Variants in CNIH4 observed in about 807,000 individuals in gnomAD.
CNIH4 encodes protein cornichon homolog 4.
A neutral mutation model predicts 21.5 loss-of-function variants in CNIH4; 9 were observed. The ratio of observed to expected loss-of-function variants is 0.42; its 90% CI spans 0.25 to 0.73. CNIH4 has a LOEUF of 0.73. CNIH4 is among the 30% of genes least tolerant of loss of function. The pLI, the probability that CNIH4 is intolerant of heterozygous loss-of-function variation, is 0.27. For missense variants in CNIH4, 159 were observed against 170.0 expected, an observed-to-expected ratio of 0.94 and a Z score of 0.36; for synonymous variants, 67 against 59.1, an observed-to-expected ratio of 1.13 and a Z score of -0.61.
intron 1 of CNIH4, among the ~76,000 whole-genome samples, chr1:224,358,308 C>G (rs570591414): frequency 6.6e-6 from 1 of 152,318 alleles, no homozygotes; most frequent in East Asian, 1.9e-4. Flanking sequence ...GCTCTGCCTT[C>G]GTGTCCCCAC....
chr1:224,361,281 A>AT lies in CNIH4; in HGVS notation c.138+726dup, dbSNP rs1458222582. 1.1e-4 allele frequency among the ~76,000 whole-genome samples: 17 copies of AT among 151,448 alleles called. No homozygotes were observed. In the East Asian group the frequency reaches 2.9e-3, roughly 26 times the overall value. ...CAGGCACTGCCACCACACCTGGCTA[A>AT]TTTTTTTTGTATTTTTCATAGAGAT... is the stretch of plus-strand genomic sequence containing the variant. On this transcript the variant is annotated intron_variant, in intron 2 of 4. Coordinates refer to ENST00000465271, the MANE Select transcript of CNIH4 (RefSeq NM_014184.4).
chr1:224,374,327 CTA>C (rs1488534531), intron 4 of CNIH4, among the ~76,000 whole-genome samples: 1 of 151,996 alleles, frequency 6.6e-6, no homozygotes, highest in Non-Finnish European at 1.5e-5. Context: ...ATGGGGGAAT[CTA>C]TGCTTTTGGT....
chr1:224,359,669 C>G (rs891716317), intron 1 of CNIH4, among the ~76,000 whole-genome samples: 1 of 152,110 alleles, frequency 6.6e-6, no homozygotes, highest in Admixed American at 6.6e-5. Flanking sequence ...CTCCTGGGTT[C>G]AAGCGATTCT....
At chr1:224,367,836 C>A (rs1260461432) in intron 3 of CNIH4, among the ~76,000 whole-genome samples, 1 of 152,200 alleles carries the variant, frequency 6.6e-6, no homozygotes, top group Non-Finnish European at 1.5e-5. Flanking sequence ...ACAGCTAAGT[C>A]TACCTGTAGT....
At chr1:224,359,717 C>T (rs1672219591) in intron 1 of CNIH4, among the ~76,000 whole-genome samples, 1 of 152,050 alleles carries the variant, frequency 6.6e-6, no homozygotes, top group East Asian at 2.0e-4. Context: ...ACTACAAGTG[C>T]CTACCAAATC....
chr1:224,359,631 C>T (rs1459175545), intron 1 of CNIH4, among the ~76,000 whole-genome samples: 2 of 152,160 alleles, frequency 1.3e-5, no homozygotes, highest in East Asian at 1.9e-4. Context: ...AGTGCAGTGG[C>T]GCAATCTTGG....
At position 224,365,862 on chromosome 1, in the gene CNIH4, G is replaced by C. The variant is rs771383497; in HGVS notation, c.139-17G>C. 5 of 1,391,334 alleles carry C rather than the reference G, an allele frequency of 3.6e-6. No individual in the cohort carries two copies. Among genetic ancestry groups the C allele is most frequent in the Non-Finnish European group, 5.1e-6 (5 of 976,948 alleles). 86.2% of individuals were successfully genotyped at this position (1,391,334 alleles called of 1,614,324 possible). A position where few individuals can be genotyped will look rare whatever the true frequency, so the allele number is the denominator to read the frequency against. On this transcript the variant is annotated splice_polypyrimidine_tract_variant and intron_variant, in intron 2 of 4. Coordinates refer to ENST00000465271, the MANE Select transcript of CNIH4 (RefSeq NM_014184.4). ...GGACATAGCAGTGAGATGTAATACT[G>C]TGTTCTTCCATTGCAGTGGGTAATT...
chr1:224,367,821 T>C (rs1672510584), intron 3 of CNIH4, among the ~76,000 whole-genome samples: 1 of 152,238 alleles, frequency 6.6e-6, no homozygotes, highest in Non-Finnish European at 1.5e-5. Context: ...AGACAGACTT[T>C]TAGCACAGCT....
chr1:224,364,400 A>G (rs1271444404), intron 2 of CNIH4: 3 of 981,478 alleles, frequency 3.1e-6, no homozygotes, highest in Admixed American at 6.2e-5. Flanking sequence ...TTGAGTGCCT[A>G]CTTTGCATGT....
intron 3 of CNIH4, among the ~76,000 whole-genome samples, chr1:224,368,987 T>C (rs577177385): frequency 6.6e-6 from 1 of 151,802 alleles, no homozygotes. Flanking sequence ...AGTATACAGC[T>C]GTAGAGTTCC....
chr1:224,357,994 TG>T lies in CNIH4; in HGVS notation c.69+1002del, dbSNP rs368332801. 1.1e-4 allele frequency among the ~76,000 whole-genome samples: 17 copies of T among 152,296 alleles called. No homozygotes were observed. In the East Asian group the frequency reaches 2.3e-3, roughly 21 times the overall value. ...TCCTTTCTTGGAAATCACATGTACCTGTTTCTGATCGGATTAAACCATTTGT... is the reference window on the plus strand; with the variant it reads ...TCCTTTCTTGGAAATCACATGTACCTTTTCTGATCGGATTAAACCATTTGT... On this transcript the variant is annotated intron_variant, in intron 1 of 4. Transcript: ENST00000465271.
chr1:224,366,053 T>G (rs1672442730), intron 3 of CNIH4, 62 bp downstream of exon 3: 3 of 1,066,712 alleles, frequency 2.8e-6, no homozygotes, highest in Non-Finnish European at 4.4e-6. Context: ...AAAGTTGTGT[T>G]TTTTTCAAGA....
intron 4 of CNIH4, 125 bp downstream of exon 4, chr1:224,371,548 G>T: frequency 1.1e-6 from 1 of 922,246 alleles, no homozygotes. Flanking sequence ...ATTCCTTGTG[G>T]CTGTGTAGAT....
At chr1:224,360,854 C>T (rs1354188205) in intron 2 of CNIH4, among the ~76,000 whole-genome samples, 2 of 152,098 alleles carry the variant, frequency 1.3e-5, no homozygotes, top group Admixed American at 1.3e-4. Flanking sequence ...TTTTTGTCTT[C>T]TGCGTTGGAA....
intron 3 of CNIH4, among the ~76,000 whole-genome samples, chr1:224,367,690 G>A (rs766264333): frequency 2.0e-5 from 3 of 151,968 alleles, no homozygotes; most frequent in Admixed American, 6.6e-5. Context: ...GCACACCACC[G>A]CACCTGGCCT....
chr1:224,366,323 G>T (rs1294387551), intron 3 of CNIH4, among the ~76,000 whole-genome samples: 1 of 149,956 alleles, frequency 6.7e-6, no homozygotes, highest in Non-Finnish European at 1.5e-5. Flanking sequence ...ATTATTTATA[G>T]GTGTGAGCCA....
At chr1:224,375,616 T>TA (rs1672759670) in intron 4 of CNIH4, among the ~76,000 whole-genome samples, 179 bp from the exon 5 acceptor site, 1 of 152,204 alleles carries the variant, frequency 6.6e-6, no homozygotes, top group South Asian at 2.1e-4. Context: ...CACTCTTTTT[T>TA]AGTGAAAAAG....
In CNIH4 at chr1:224,376,817, G is replaced by C; in HGVS notation, c.*995G>C. ...ATTGTAAACTCTTGCAGGTGGGAGAGCAGTTCACCTCCTTAGCTCTGTTTG... is the reference window on the plus strand; with the variant it reads ...ATTGTAAACTCTTGCAGGTGGGAGACCAGTTCACCTCCTTAGCTCTGTTTG... On this transcript the variant is annotated 3_prime_UTR_variant, in exon 5 of 5. Transcript: ENST00000465271. 1.0e-6 allele frequency: 1 copy of C among 985,358 alleles called. No homozygotes were observed. The highest frequency in any genetic ancestry group is 4.7e-5 in the South Asian group (1 of 21,278). 61.0% of individuals were successfully genotyped at this position (985,358 alleles called of 1,614,324 possible).
At position 224,376,881 on chromosome 1, in the gene CNIH4, C is replaced by T; in HGVS notation, c.*1059C>T. On this transcript the variant is annotated 3_prime_UTR_variant, in exon 5 of 5. Coordinates refer to ENST00000465271, the MANE Select transcript of CNIH4 (RefSeq NM_014184.4). ...GGTAAAATAAACCTGGCAATTTATC[C>T]TCAGTCCTAGTTTGTGGTTTAATGT... 3.0e-6 allele frequency: 3 copies of T among 985,446 alleles called. No individual in the cohort carries two copies. Among genetic ancestry groups the T allele is most frequent in the Non-Finnish European group, 3.6e-6 (3 of 829,940 alleles). 61.0% of individuals were successfully genotyped at this position (985,446 alleles called of 1,614,324 possible).
Sources: gnomAD v4.1 joint callset for allele counts (sites outside exome capture counted in the v4.1 genomes callset) on GRCh38, gnomAD v4.1.1 for gene constraint, MANE v1.5 for transcripts, NCBI Gene and HGNC (gene_info 2026-07-23, HGNC 2026-07-21) for gene names.